Variants in PKD1 observed in about 807,000 individuals in gnomAD.
The protein encoded by PKD1 is polycystin 1, transient receptor potential channel interacting.
Under a neutral mutation model 361.7 loss-of-function variants are expected in PKD1, and 81 were observed. That is an observed-to-expected ratio of 0.22 (90% CI 0.19 to 0.27). The LOEUF (loss-of-function observed/expected upper bound fraction) is 0.27, where lower values mean the gene tolerates loss of function less well. Among genes scored for constraint, PKD1 ranks in the 10% least tolerant of loss-of-function variants. The probability of loss-of-function intolerance (pLI) is 1.00; values close to 1 mark genes in which losing one functional copy is unlikely to be tolerated. For missense variants in PKD1, 6,399 were observed against 6,118.3 expected, an observed-to-expected ratio of 1.05 and a Z score of -1.53; for synonymous variants, 3,615 against 2,818.3, an observed-to-expected ratio of 1.28 and a Z score of -8.95.
chr16:2,106,788 C>A lies in PKD1; in HGVS notation c.7209+17G>T, dbSNP rs1191697466. On this transcript the variant is annotated intron_variant, in intron 17 of 45. Transcript: ENST00000262304. This position sits in a 1 kb window ranked among gnomAD's most constrained non-coding sequence, Gnocchi z 6.5. Reference sequence around the variant, plus strand: ...GGGACCCATCCCCAGCCCGCCCACACCCCGCTCAACACTCACCCCTCGCTT... The same window carrying A: ...GGGACCCATCCCCAGCCCGCCCACAACCCGCTCAACACTCACCCCTCGCTT... The A allele has an allele frequency of 3.5e-5, 51 of 1,472,198 alleles. No individual in the cohort carries two copies. The highest frequency in any genetic ancestry group is 4.5e-5 in the Non-Finnish European group (48 of 1,071,428). The allele number at this position is 1,472,198 out of a possible 1,614,324, so 91.2% of individuals were successfully genotyped here.
chr16:2,129,162 GTTTTTTT>G (rs773049623), intron 1 of PKD1, among the ~76,000 whole-genome samples: 1 of 132,540 alleles, frequency 7.5e-6, no homozygotes, highest in African/African-American at 2.8e-5. Context: ...CGCCCACCCT[GTTTTTTT>G]TTTTTTTTTT....
Position 2,089,486 on chromosome 16 carries a change from T to C in PKD1, c.*241A>G. ...GGAAATAAATTAGCATCTCAGAGGC[T>C]AGAAACCGTCCAATACTGCTGTGTC... On this transcript the variant is annotated 3_prime_UTR_variant, in exon 46 of 46. Transcript: ENST00000262304. 1 of 578,742 alleles carries C rather than the reference T, an allele frequency of 1.7e-6. No individual in the cohort carries two copies. The highest frequency in any genetic ancestry group is 3.1e-6 in the Non-Finnish European group (1 of 325,146). 35.9% of individuals were successfully genotyped at this position (578,742 alleles called of 1,614,324 possible). A position where few individuals can be genotyped will look rare whatever the true frequency, so the allele number is the denominator to read the frequency against.
rs1199076255 is a variant in PKD1 at position 2,091,335 on chromosome 16, A to AG, written c.11712+87dup. The AG allele has an allele frequency of 2.0e-3, 942 of 481,032 alleles. 73 individuals are homozygous for AG. In the African/African-American group the frequency reaches 0.075, roughly 38 times the overall value. 29.8% of individuals were successfully genotyped at this position (481,032 alleles called of 1,614,324 possible). Reference sequence around the variant, plus strand: ...CGCTGCGAGGGGGCGGGGCGCTGCGAGGGGTGAGACGCTGCCGGGGCGGGG... The same window carrying AG: ...CGCTGCGAGGGGGCGGGGCGCTGCGAGGGGGTGAGACGCTGCCGGGGCGGGG... On this transcript the variant is annotated intron_variant, in intron 42 of 45. Transcript: ENST00000262304.
rs769741858 is a variant in PKD1, at chr16:2,110,514, G to A, written c.4653C>T (p.Leu1551=). The A allele has an allele frequency of 4.2e-5, 68 of 1,611,776 alleles. No individual in the cohort carries two copies. The South Asian group carries it at 4.5e-4, about 11-fold the overall frequency. The part of the protein sequence containing the change: ...NVTVKRRVRG[L]VVNASRTVVP... ...CCACCGTGCGGCTTGCATTGACGAC[G>A]AGCCCCCGCACGCGCCGCTTCACCG... is the stretch of plus-strand genomic sequence containing the variant. Residue 1551 remains leucine (L), a synonymous_variant, in exon 15 of 46, where the codon CTC becomes CTT. Coordinates refer to ENST00000262304, the MANE Select transcript of PKD1 (RefSeq NM_001009944.3).
intron 14 of PKD1, 40 bp from the exon 15 acceptor site, chr16:2,111,911 C>T (rs766746290): frequency 1.2e-6 from 2 of 1,605,754 alleles, no homozygotes; most frequent in Non-Finnish European, 1.7e-6. Context: ...GCGGCACCCC[C>T]ACCTGCTCCC....
intron 1 of PKD1, among the ~76,000 whole-genome samples, chr16:2,131,691 C>T (rs1293188736): frequency 1.3e-5 from 2 of 150,728 alleles, no homozygotes; most frequent in Admixed American, 1.3e-4. Flanking sequence ...GGCGTGGTGG[C>T]GCGCGCCTCT....
intron 34 of PKD1, 178 bp downstream of exon 34, chr16:2,096,970 G>A (rs1276886861): frequency 3.2e-6 from 2 of 620,530 alleles, no homozygotes; most frequent in Non-Finnish European, 5.8e-6. Context: ...CTGGGGCCCT[G>A]GGGATCCCAT....
At chr16:2,129,252 T>G (rs1048817044) in intron 1 of PKD1, among the ~76,000 whole-genome samples, 5 of 146,778 alleles carry the variant, frequency 3.4e-5, no homozygotes, top group African/African-American at 1.0e-4. Context: ...CTCAACCTCA[T>G]AGACTCAGGG....
Position 2,090,704 on chromosome 16 carries a change from G to A in PKD1, c.12108C>T (p.Leu4036=), listed in dbSNP as rs571487303. The A allele has an allele frequency of 1.9e-4, 301 of 1,612,302 alleles. No individual in the cohort carries two copies. Among genetic ancestry groups the A allele is most frequent in the Middle Eastern group, 5.0e-4 (3 of 6,060 alleles). The change falls in exon 44 of 46, where the codon CTC becomes CTT. Residue 4036 remains leucine (L), a synonymous_variant. Coordinates refer to ENST00000262304, the MANE Select transcript of PKD1 (RefSeq NM_001009944.3). ...TGGCCAGCTGGGCGTAGGCTACCCC[G>A]AGCACCACCAGGCCCAAGGTGACCC... ...LLGVTLGLVV[L]GVAYAQLAIL... is the part of the protein sequence containing the mutation.
chr16:2,092,506 C>T lies in PKD1; in HGVS notation c.11243G>A (p.Arg3748Gln), dbSNP rs546924823. 5.0e-6 allele frequency: 8 copies of T among 1,611,828 alleles called. No individual in the cohort carries two copies. Among genetic ancestry groups the T allele is most frequent in the East Asian group, 4.5e-5 (2 of 44,878 alleles). Residue 3748 changes from arginine (R) to glutamine (Q), a missense_variant, in exon 39 of 46, where the codon CGG (arginine) becomes CAG (glutamine). Physicochemically the swap from Arg to Gln is conservative, Grantham distance 43 (BLOSUM62 1). Coordinates refer to ENST00000262304, the MANE Select transcript of PKD1 (RefSeq NM_001009944.3). ...NQSSPELGPP[R>Q]LRQVRLQEAL... ...TTCCTGCAGCCGCACCTGCCGCAGC[C>T]GTGGGGGCCCCAGCTCTGGGCTGGA...
Position 2,102,626 on chromosome 16 carries a change from C to G in PKD1, c.8956G>C (p.Asp2986His). 6.2e-7 allele frequency: 1 copy of G among 1,611,018 alleles called. No individual in the cohort carries two copies. The highest frequency in any genetic ancestry group is 8.5e-7 in the Non-Finnish European group (1 of 1,179,798). ...YTFFISPGSR[D>H]PAGSYHLNLS... The stretch of plus-strand genomic sequence containing the variant: ...TTCAGATGGTAACTCCCCGCTGGGT[C>G]TCTGCTCCTGGGCAGGGAAGGGGTA... Residue 2986 changes from aspartate to histidine, a missense_variant, in exon 25 of 46, where the codon GAC (aspartate) becomes CAC (histidine). Asp to His is a moderately conservative substitution (Grantham distance 81). Transcript: ENST00000262304.
chr16:2,125,574 C>A (rs1357797113), intron 1 of PKD1, among the ~76,000 whole-genome samples: 11 of 152,240 alleles, frequency 7.2e-5, no homozygotes, highest in Admixed American at 5.2e-4. Context: ...GGAGGCTGAA[C>A]GAGGGAGATG....
rs375340822 is a variant in PKD1 at position 2,097,724 on chromosome 16, C to T, written c.10220+4G>A. 1.9e-6 allele frequency: 3 copies of T among 1,610,966 alleles called. No homozygotes were observed. Among genetic ancestry groups the T allele is most frequent in the East Asian group, 2.2e-5 (1 of 44,896 alleles). Reference sequence around the variant, plus strand: ...AGGGCTCGAGGTTTCTCTAGGGAACCCACCTCTTAGAATCATCCAGAAACA... The same window carrying T: ...AGGGCTCGAGGTTTCTCTAGGGAACTCACCTCTTAGAATCATCCAGAAACA... On this transcript the variant is annotated splice_donor_region_variant and intron_variant, in intron 32 of 45. Transcript: ENST00000262304.
In PKD1 at chr16:2,108,392, T is replaced by C. The variant is rs2092414905; in HGVS notation, c.6775A>G (p.Ile2259Val). ...ACGCGGTATGAGCCACCCTCAATGA[T>C]GGGCACCAGGCGCTCGGGGGCCACC... Reference protein sequence around the residue: ...VTVAPERLVPIIEGGSYRVWS... With the variant: ...VTVAPERLVPVIEGGSYRVWS... The change falls in exon 15 of 46, where the codon ATC (isoleucine) becomes GTC (valine). Residue 2259 changes from isoleucine to valine, a missense_variant. Physicochemically the swap from Ile to Val is conservative, Grantham distance 29 (BLOSUM62 3). Coordinates refer to ENST00000262304, the MANE Select transcript of PKD1 (RefSeq NM_001009944.3). 1 of 1,610,546 alleles carries C rather than the reference T, an allele frequency of 6.2e-7. No homozygotes were observed. The highest frequency in any genetic ancestry group is 1.1e-5 in the South Asian group (1 of 90,996).
At position 2,112,455 on chromosome 16, in the gene PKD1, C is replaced by T. The variant is rs2092539399; in HGVS notation, c.3180G>A (p.Gly1060=). Residue 1060 remains glycine (G), a synonymous_variant, in exon 14 of 46, where the codon GGG becomes GGA. Coordinates refer to ENST00000262304, the MANE Select transcript of PKD1 (RefSeq NM_001009944.3). ...EVAFLWTFGD[G]EQALHQFQPP... ...GCTGGAACTGGTGGAGGGCCTGCTCCCCATCCCCAAAGGTCCACCTGCCGG... is the reference window on the plus strand; with the variant it reads ...GCTGGAACTGGTGGAGGGCCTGCTCTCCATCCCCAAAGGTCCACCTGCCGG... 6.3e-7 allele frequency: 1 copy of T among 1,588,976 alleles called. No homozygotes were observed. Among genetic ancestry groups the T allele is most frequent in the Admixed American group, 1.7e-5 (1 of 59,126 alleles).
At chr16:2,094,065 G>A (rs937959726) in intron 35 of PKD1, 27 bp downstream of exon 35, 2 of 1,585,368 alleles carry the variant, frequency 1.3e-6, no homozygotes, top group Non-Finnish European at 1.7e-6. Flanking sequence ...GAGGGGCTAG[G>A]GGCATCCCGG....
Position 2,111,115 on chromosome 16 carries a change from C to A in PKD1, c.4052G>T (p.Arg1351Leu), listed in dbSNP as rs374129201. Residue 1351 changes from arginine to leucine, a missense_variant, in exon 15 of 46, where the codon CGG becomes CTG. By Grantham distance (102) the Arg-to-Leu change is moderately radical (BLOSUM62 -2). Transcript: ENST00000262304. The stretch of plus-strand genomic sequence containing the variant: ...CAGCGCCAGGGGGAACGTGCCGCTC[C>A]GCGTGAAGTTGTGTGTCACCGTCGG... The part of the protein sequence containing the change: ...GCPTVTHNFT[R>L]SGTFPLALVL... 2 of 1,610,688 alleles carry A rather than the reference C, an allele frequency of 1.2e-6. No individual in the cohort carries two copies. Among genetic ancestry groups the A allele is most frequent in the African/African-American group, 2.7e-5 (2 of 74,860 alleles).
In PKD1 at chr16:2,110,384, G is replaced by C. The variant is rs763775202; in HGVS notation, c.4783C>G (p.Pro1595Ala). Residue 1595 changes from proline (P) to alanine (A), a missense_variant, in exon 15 of 46, where the codon CCT (proline) becomes GCT (alanine). Physicochemically the swap from Pro to Ala is conservative, Grantham distance 27. Transcript: ENST00000262304. ...GAGCGGAAGGTGTAAGAGATGGTAG[G>C]ACCCCCAGGGATGGGCGTGCAGCGG... Reference protein sequence around the residue: ...CDRCTPIPGGPTISYTFRSVG... With the variant: ...CDRCTPIPGGATISYTFRSVG... 2 of 1,612,448 alleles carry C rather than the reference G, an allele frequency of 1.2e-6. No individual in the cohort carries two copies. Among genetic ancestry groups the C allele is most frequent in the Non-Finnish European group, 1.7e-6 (2 of 1,179,842 alleles).
rs2092510939 is a variant in PKD1, at chr16:2,111,711, G to C, written c.3456C>G (p.Pro1152=). ...RPVTFYPHPL[P]SPGGVLYTWD... is the part of the protein sequence containing the mutation. The stretch of plus-strand genomic sequence containing the variant: ...ACGTGTAAAGAACACCCCCAGGCGA[G>C]GGCAGCGGGTGCGGGTAGAAGGTGA... Residue 1152 remains proline, a synonymous_variant, in exon 15 of 46, where the codon CCC becomes CCG. Transcript: ENST00000262304. 11 of 1,588,786 alleles carry C rather than the reference G, an allele frequency of 6.9e-6. No homozygotes were observed. The highest frequency in any genetic ancestry group is 9.4e-6 in the Non-Finnish European group (11 of 1,169,240).
Sources: allele counts gnomAD v4.1 joint callset (sites outside exome capture counted in the v4.1 genomes callset), GRCh38; gene constraint gnomAD v4.1.1; non-coding constraint Gnocchi (gnomAD v3.1); transcripts MANE v1.5; gene names NCBI Gene and HGNC (gene_info 2026-07-23, HGNC 2026-07-21).